Variants in MCPH1 observed in about 807,000 individuals in gnomAD.
MCPH1 encodes microcephalin.
Under a neutral mutation model 84.5 loss-of-function variants are expected in MCPH1, and 104 were observed. That is an observed-to-expected ratio of 1.23 (90% CI 1.05 to 1.45). The LOEUF (loss-of-function observed/expected upper bound fraction) is 1.45. Among genes scored for constraint, MCPH1 ranks in the 40% most tolerant of loss-of-function variants. The pLI is 0.00. For synonymous variants in MCPH1, 514 were observed against 366.8 expected, an observed-to-expected ratio of 1.40 and a Z score of -4.58; for missense variants, 1,498 against 1,005.7, an observed-to-expected ratio of 1.49 and a Z score of -6.62.
At chr8:6,485,721 A>G (rs951280623) in intron 11 of MCPH1, among the ~76,000 whole-genome samples, 1 of 152,148 alleles carries the variant, frequency 6.6e-6, no homozygotes, top group African/African-American at 2.4e-5. Flanking sequence ...CAGGTGGCCT[A>G]TGGCTTCAGG....
chr8:6,600,978 G>C (rs1829314572), intron 12 of MCPH1, among the ~76,000 whole-genome samples: 1 of 152,196 alleles, frequency 6.6e-6, no homozygotes, highest in Non-Finnish European at 1.5e-5. Flanking sequence ...CAGATGACAA[G>C]GGCCATTACG....
intron 4 of MCPH1, among the ~76,000 whole-genome samples, chr8:6,432,882 A>G (rs2442521): frequency 0.67 from 101,601 of 152,236 alleles, 38,029 homozygotes; most frequent in Non-Finnish European, 0.81. Context: ...AGTAGTACAT[A>G]CATATTTTCT....
intron 12 of MCPH1, among the ~76,000 whole-genome samples, chr8:6,607,929 T>C (rs942694623): frequency 6.6e-6 from 1 of 152,340 alleles, no homozygotes; most frequent in East Asian, 1.9e-4. Flanking sequence ...CGGATTTGTT[T>C]GGCAATAAAG....
intron 12 of MCPH1, among the ~76,000 whole-genome samples, chr8:6,595,991 C>A (rs1466526754): frequency 6.6e-6 from 1 of 152,208 alleles, no homozygotes; most frequent in Admixed American, 6.5e-5. Context: ...TAATATGGGT[C>A]ACATGAGACA....
At chr8:6,415,165 T>C (rs187992481) in intron 3 of MCPH1, among the ~76,000 whole-genome samples, 13 of 152,166 alleles carry the variant, frequency 8.5e-5, no homozygotes, top group East Asian at 7.7e-4. Context: ...ATGAAGCAGA[T>C]TGTGTTAGTC....
intron 12 of MCPH1, chr8:6,562,636 T>C: frequency 7.4e-7 from 1 of 1,345,794 alleles, no homozygotes; most frequent in Non-Finnish European, 9.9e-7. Context: ...ACAGATGGAT[T>C]TTTTTCCTAC....
intron 8 of MCPH1, among the ~76,000 whole-genome samples, chr8:6,448,818 G>C (rs1406745669): frequency 1.3e-5 from 2 of 152,110 alleles, no homozygotes; most frequent in African/African-American, 4.8e-5. Flanking sequence ...TTCTGTAACA[G>C]ATCAGATAGT....
Position 6,523,933 on chromosome 8 carries a change from G to A in MCPH1, c.2214+24004G>A, listed in dbSNP as rs190745205. 1.2e-3 allele frequency among the ~76,000 whole-genome samples: 176 copies of A among 151,080 alleles called. No homozygotes were observed. The East Asian group carries it at 0.024, about 21-fold the overall frequency. ...TAAGATACAAGAGGAAAATTGGATAGCCTGACACTACATTATTCAGCACCT... is the reference window on the plus strand; with the variant it reads ...TAAGATACAAGAGGAAAATTGGATAACCTGACACTACATTATTCAGCACCT... On this transcript the variant is annotated intron_variant, in intron 12 of 13. Coordinates refer to ENST00000344683, the MANE Select transcript of MCPH1 (RefSeq NM_024596.5).
intron 13 of MCPH1, among the ~76,000 whole-genome samples, chr8:6,636,289 A>G (rs1224253772): frequency 2.2e-4 from 33 of 151,786 alleles, no homozygotes; most frequent in Admixed American, 2.2e-3. Flanking sequence ...GCAGTGAGCC[A>G]AGATTTCACC....
intron 12 of MCPH1, among the ~76,000 whole-genome samples, chr8:6,571,403 T>C (rs980593213): frequency 2.0e-5 from 3 of 152,232 alleles, no homozygotes; most frequent in Non-Finnish European, 2.9e-5. Context: ...ACATTAAATG[T>C]TCCCAAATCC....
chr8:6,526,865 C>G (rs925118443), intron 12 of MCPH1, among the ~76,000 whole-genome samples: 1 of 152,120 alleles, frequency 6.6e-6, no homozygotes, highest in Non-Finnish European at 1.5e-5. Flanking sequence ...AAAACAGTCC[C>G]CACCTATCCC....
chr8:6,419,425 A>G (rs1283184750), intron 3 of MCPH1, among the ~76,000 whole-genome samples: 2 of 150,584 alleles, frequency 1.3e-5, no homozygotes, highest in Non-Finnish European at 3.0e-5. Context: ...TTTGAGATGG[A>G]GTCTTGCTCT....
intron 13 of MCPH1, among the ~76,000 whole-genome samples, chr8:6,638,321 T>G (rs993245148): frequency 1.3e-4 from 20 of 152,172 alleles, no homozygotes; most frequent in African/African-American, 4.3e-4. Context: ...CTTACTTATT[T>G]TGATAAGCAA....
chr8:6,535,964 G>C (rs951346108), intron 12 of MCPH1, among the ~76,000 whole-genome samples: 4 of 152,116 alleles, frequency 2.6e-5, no homozygotes, highest in Non-Finnish European at 4.4e-5. Context: ...GGCTGAGGTG[G>C]GAGGACTGCT....
At chr8:6,545,235 A>C (rs1290590013) in intron 12 of MCPH1, among the ~76,000 whole-genome samples, 1 of 152,200 alleles carries the variant, frequency 6.6e-6, no homozygotes, top group African/African-American at 2.4e-5. Context: ...GGAGTGCTGA[A>C]AATGTTTCCT....
In MCPH1 at chr8:6,480,759, T is replaced by C; in HGVS notation, c.2019T>C (p.Phe673=). ...AGGTTGTGGATAAATTGAAAGGCTT[T>C]TCAATTGCACCAGACGTCTGTGAGA... The part of the protein sequence containing the change: ...VIQVVDKLKG[F]SIAPDVCETT... The change falls in exon 11 of 14, where the codon TTT becomes TTC. Residue 673 remains phenylalanine (F), a synonymous_variant. Coordinates refer to ENST00000344683, the MANE Select transcript of MCPH1 (RefSeq NM_024596.5). 1 of 1,614,232 alleles carries C rather than the reference T, an allele frequency of 6.2e-7. No individual in the cohort carries two copies. The highest frequency in any genetic ancestry group is 8.5e-7 in the Non-Finnish European group (1 of 1,180,046).
At chr8:6,408,173 T>C (rs1798008174) in intron 1 of MCPH1, among the ~76,000 whole-genome samples, 1 of 152,186 alleles carries the variant, frequency 6.6e-6, no homozygotes, top group Non-Finnish European at 1.5e-5. Flanking sequence ...ATGGGTACAG[T>C]TGTTCTTTGC....
intron 11 of MCPH1, among the ~76,000 whole-genome samples, chr8:6,496,186 C>T (rs1045481397): frequency 3.3e-5 from 5 of 152,094 alleles, no homozygotes; most frequent in Non-Finnish European, 5.9e-5. Context: ...CGGGGGGTGA[C>T]GAGAGACAGT....
At chr8:6,457,351 G>T (rs547822978) in intron 9 of MCPH1, among the ~76,000 whole-genome samples, 2 of 151,764 alleles carry the variant, frequency 1.3e-5, no homozygotes, top group African/African-American at 4.9e-5. Context: ...CCGGTACTTT[G>T]GGGCGGGCGG....
Sources: allele counts gnomAD v4.1 joint callset (sites outside exome capture counted in the v4.1 genomes callset), GRCh38; gene constraint gnomAD v4.1.1; transcripts MANE v1.5; gene names NCBI Gene and HGNC (gene_info 2026-07-23, HGNC 2026-07-21).